Variants in CNTNAP2 observed in about 807,000 individuals in gnomAD.
CNTNAP2 encodes the protein contactin associated protein 2.
In CNTNAP2, 98 loss-of-function variants were observed where a neutral mutation model predicts 155.2. The observed-to-expected ratio is 0.63, with a 90% confidence interval of 0.54 to 0.75. The LOEUF (loss-of-function observed/expected upper bound fraction) is 0.75, where lower values mean the gene tolerates loss of function less well. Ranked by LOEUF, CNTNAP2 falls within the 30% of genes least tolerant of loss-of-function variation. The pLI is 0.00. For missense variants in CNTNAP2, 1,727 were observed against 1,688.1 expected (o/e 1.02, Z -0.40); for synonymous variants, 651 against 631.2 (o/e 1.03, Z -0.47).
At chr7:146,606,801 C>T (rs1052547151) in intron 1 of CNTNAP2, among the ~76,000 whole-genome samples, 4 of 152,152 alleles carry the variant, frequency 2.6e-5, no homozygotes, top group African/African-American at 7.2e-5. Context: ...CATTTTCTGG[C>T]AGCTGACACT....
chr7:146,652,156 C>T (rs71530751), intron 1 of CNTNAP2, among the ~76,000 whole-genome samples: 5,827 of 152,174 alleles, frequency 0.038, 178 homozygotes, highest in Non-Finnish European at 0.063. Context: ...AAAAAATTAA[C>T]CCCATTTTAA....
intron 1 of CNTNAP2, among the ~76,000 whole-genome samples, chr7:146,613,954 A>G (rs915500939): frequency 1.3e-5 from 2 of 152,158 alleles, no homozygotes; most frequent in African/African-American, 4.8e-5. Flanking sequence ...TAAGTAATTT[A>G]TTATTTCTTA....
At chr7:147,402,069 A>C (rs1009280305) in intron 10 of CNTNAP2, among the ~76,000 whole-genome samples, 1 of 152,236 alleles carries the variant, frequency 6.6e-6, no homozygotes, top group African/African-American at 2.4e-5. Flanking sequence ...CCCTATTTCT[A>C]GTCAGTAGCA....
intron 1 of CNTNAP2, among the ~76,000 whole-genome samples, chr7:146,318,047 A>G (rs147526254): frequency 0.016 from 2,470 of 152,138 alleles, 31 homozygotes; most frequent in Middle Eastern, 0.041. Flanking sequence ...AGGCTGAGGC[A>G]GGAGAATCGC....
chr7:147,433,670 A>G (rs1797501751), intron 10 of CNTNAP2, among the ~76,000 whole-genome samples: 1 of 152,172 alleles, frequency 6.6e-6, no homozygotes, highest in Admixed American at 6.5e-5. Context: ...TTTGTTGTGA[A>G]CAAGGTTTCT....
At chr7:146,961,121 G>A (rs1466878585) in intron 3 of CNTNAP2, among the ~76,000 whole-genome samples, 1 of 152,096 alleles carries the variant, frequency 6.6e-6, no homozygotes, top group African/African-American at 2.4e-5. Flanking sequence ...TGGCTCACAG[G>A]AACAAAACTA....
chr7:147,252,442 G>A (rs544313762), intron 8 of CNTNAP2, among the ~76,000 whole-genome samples: 27 of 152,192 alleles, frequency 1.8e-4, no homozygotes, highest in Admixed American at 1.2e-3. Flanking sequence ...TTTTTTCTCA[G>A]TTTCTAGTCT....
chr7:148,203,088 A>G (rs1795392306), intron 18 of CNTNAP2, among the ~76,000 whole-genome samples: 1 of 152,160 alleles, frequency 6.6e-6, no homozygotes, highest in South Asian at 2.1e-4. Context: ...TTGCTTTTTA[A>G]TTATATTTTA....
In CNTNAP2 at chr7:147,148,944, GCACAGA is replaced by G. The variant is rs1801771340; in HGVS notation, c.1348+16440_1348+16445del. 3.3e-5 allele frequency among the ~76,000 whole-genome samples: 5 copies of G among 152,230 alleles called. No homozygotes were observed. The South Asian group carries it at 1.0e-3, about 31-fold the overall frequency. On this transcript the variant is annotated intron_variant, in intron 8 of 23. Transcript: ENST00000361727. ...GTGGGTGTTACAGCTCATAAAGGTA[GCACAGA>G]CACAAAGAGTGAGCAGCAGCAAGAT...
intron 8 of CNTNAP2, among the ~76,000 whole-genome samples, chr7:147,205,125 T>A (rs993301543): frequency 3.3e-5 from 5 of 152,004 alleles, no homozygotes; most frequent in African/African-American, 4.8e-5. Context: ...GGTACAAAAG[T>A]TTTTGGGTTA....
intron 1 of CNTNAP2, among the ~76,000 whole-genome samples, chr7:146,608,955 T>C (rs1258402065): frequency 6.6e-6 from 1 of 152,134 alleles, no homozygotes; most frequent in East Asian, 1.9e-4. Context: ...ATAAATAAAA[T>C]TATTTCCAAG....
At chr7:146,251,315 A>G (rs1799753401) in intron 1 of CNTNAP2, among the ~76,000 whole-genome samples, 1 of 152,168 alleles carries the variant, frequency 6.6e-6, no homozygotes, top group Non-Finnish European at 1.5e-5. Context: ...AGTTACAATT[A>G]TATTATTGTT....
intron 10 of CNTNAP2, among the ~76,000 whole-genome samples, chr7:147,449,880 A>G (rs17170502): frequency 4.0e-3 from 614 of 152,236 alleles, no homozygotes; most frequent in Admixed American, 7.0e-3. Flanking sequence ...TCAATATTCA[A>G]TTTGTCAGCC....
intron 8 of CNTNAP2, among the ~76,000 whole-genome samples, chr7:147,273,075 A>G (rs898658231): frequency 1.3e-5 from 2 of 151,964 alleles, no homozygotes; most frequent in Non-Finnish European, 2.9e-5. Context: ...CGGGGTTTCC[A>G]CTGCTGCTTA....
intron 20 of CNTNAP2, among the ~76,000 whole-genome samples, chr7:148,233,264 A>G (rs1795993315): frequency 6.6e-6 from 1 of 152,116 alleles, no homozygotes. Flanking sequence ...CTTGCCATCC[A>G]TGTTTCTTTT....
rs142211330 is a variant in CNTNAP2 at position 148,048,024 on chromosome 7, C to T, written c.2383+70035C>T. On this transcript the variant is annotated intron_variant, in intron 15 of 23. Coordinates refer to ENST00000361727, the MANE Select transcript of CNTNAP2 (RefSeq NM_014141.6). Reference sequence around the variant, plus strand: ...CTGCAAGCTCCACCTCCCAGGTTCACGCCATTCTCCTGCCTCAGCCTCCCC... The same window carrying T: ...CTGCAAGCTCCACCTCCCAGGTTCATGCCATTCTCCTGCCTCAGCCTCCCC... Among the ~76,000 whole-genome samples, 1,154 of 152,044 alleles carry T rather than the reference C, an allele frequency of 7.6e-3. 2 individuals carry two copies. The highest frequency in any genetic ancestry group is 0.015 in the South Asian group (72 of 4,810).
chr7:146,170,018 C>CTTTTTTTTTTT (rs71175637), intron 1 of CNTNAP2, among the ~76,000 whole-genome samples: 1 of 126,970 alleles, frequency 7.9e-6, no homozygotes, highest in Non-Finnish European at 1.7e-5. Context: ...CCTTTCTTTT[C>CTTTTTTTTTTT]TTTTTTTTTT....
chr7:146,916,032 T>A (rs148621356), intron 3 of CNTNAP2: 298 of 152,306 alleles, frequency 2.0e-3, no homozygotes, highest in African/African-American at 6.5e-3. Flanking sequence ...CATAAAAGGA[T>A]GCTGGATTTT....
chr7:147,147,804 G>A (rs1375517582), intron 8 of CNTNAP2, among the ~76,000 whole-genome samples: 1 of 151,834 alleles, frequency 6.6e-6, no homozygotes, highest in Non-Finnish European at 1.5e-5. Flanking sequence ...CTTGCTCTTT[G>A]ATCGCTACAA....
Sources: gnomAD v4.1 joint callset for allele counts (sites outside exome capture counted in the v4.1 genomes callset) on GRCh38, gnomAD v4.1.1 for gene constraint, MANE v1.5 for transcripts, NCBI Gene and HGNC (gene_info 2026-07-23, HGNC 2026-07-21) for gene names.